PCDH11Y: variants seen among roughly 807,000 people sequenced by gnomAD.
PCDH11Y encodes protocadherin-11 Y-linked.
For missense variants in PCDH11Y, 12 were observed against 224.8 expected (o/e 0.05, Z 6.05); for synonymous variants, 9 against 83.6 (o/e 0.11, Z 4.87).
chrY:5,107,270 A>G, downstream of PCDH11Y, among the ~76,000 whole-genome samples: 1 of 33,839 alleles, frequency 3.0e-5, no homozygotes, highest in African/African-American at 1.2e-4. Context: ...ACTTTATTTT[A>G]AAGCTATGAC....
chrY:5,580,036 T>C, intron 3 of PCDH11Y, among the ~76,000 whole-genome samples: 2 of 31,899 alleles, frequency 6.3e-5, no homozygotes, highest in Non-Finnish European at 1.5e-4. Context: ...CATTCAGTCT[T>C]AAAAGTTTTA....
chrY:5,475,756 A>G, intron 2 of PCDH11Y, among the ~76,000 whole-genome samples: 3 of 31,532 alleles, frequency 9.5e-5, no homozygotes, highest in Non-Finnish European at 1.5e-4. Flanking sequence ...TGCAAACATC[A>G]TAGAGTGTAC....
At chrY:5,197,283 G>A in intron 2 of PCDH11Y, among the ~76,000 whole-genome samples, 2 of 31,954 alleles carry the variant, frequency 6.3e-5, no homozygotes, top group Admixed American at 2.9e-4. Context: ...AAGATCAGAT[G>A]GTTGTAGATA....
chrY:5,484,902 C>T, intron 2 of PCDH11Y, among the ~76,000 whole-genome samples: 1 of 33,160 alleles, frequency 3.0e-5, no homozygotes, highest in Non-Finnish European at 7.4e-5. Flanking sequence ...GTACAAATTT[C>T]CCTCAGTCTC....
chrY:5,074,668 T>G, intron 1 of PCDH11Y, among the ~76,000 whole-genome samples: 1 of 33,335 alleles, frequency 3.0e-5, no homozygotes, highest in Admixed American at 2.8e-4. Context: ...TCTTCTAATT[T>G]CAGGTCAGAT....
intron 4 of PCDH11Y, among the ~76,000 whole-genome samples, chrY:5,664,857 C>T (rs2053543825): frequency 9.2e-5 from 3 of 32,551 alleles, no homozygotes; most frequent in Non-Finnish European, 1.5e-4. Context: ...CCCCTTCAGC[C>T]TATCAAAGTA....
intron 1 of PCDH11Y, among the ~76,000 whole-genome samples, chrY:5,012,675 T>G (rs2052552781): frequency 3.8e-5 from 1 of 26,371 alleles, no homozygotes; most frequent in African/African-American, 1.5e-4. Flanking sequence ...AGGGTTTTTT[T>G]TTTTTTTTTT....
intron 2 of PCDH11Y, among the ~76,000 whole-genome samples, chrY:5,286,028 T>A (rs1602899442): frequency 5.9e-5 from 2 of 33,952 alleles, no homozygotes; most frequent in East Asian, 1.5e-3. Context: ...AGAGTTTTCA[T>A]ATGTTAGGTG....
exon 5 of PCDH11Y, chrY:5,739,527 A>C (rs2053614816): frequency 9.2e-5 from 3 of 32,596 alleles, no homozygotes; most frequent in Admixed American, 5.7e-4. Context: ...ACTTAGACAT[A>C]GATTTTGTAA....
intron 2 of PCDH11Y, among the ~76,000 whole-genome samples, chrY:5,111,196 T>C (rs2052802229): frequency 3.1e-5 from 1 of 32,532 alleles, no homozygotes; most frequent in South Asian, 7.0e-4. Context: ...CTCCGCCTCC[T>C]GGGTTCAAGA....
In PCDH11Y at chrY:5,244,261, G is replaced by A. The variant is rs372558613; in HGVS notation, c.3129+143554G>A. On this transcript the variant is annotated intron_variant, in intron 2 of 4. Transcript: ENST00000400457. ...CATTCAAGAATCACTGGGACACAGC[G>A]AAGGCAGTGTTTAGGGGGAAACTTA... Among the ~76,000 whole-genome samples the A allele has an allele frequency of 7.1e-3, 239 of 33,790 alleles. No homozygotes were observed. In the South Asian group the frequency reaches 0.15, roughly 22 times the overall value. The allele number at this position is 33,790 out of a possible 37,273, so 90.7% of individuals were successfully genotyped here.
At chrY:5,723,370 A>AT (rs2053596444) in intron 4 of PCDH11Y, among the ~76,000 whole-genome samples, 2 of 31,965 alleles carry the variant, frequency 6.3e-5, no homozygotes, top group Non-Finnish European at 1.5e-4. Context: ...AAATATAGGT[A>AT]TATAGGAGTA....
chrY:5,317,118 A>C, intron 2 of PCDH11Y, among the ~76,000 whole-genome samples: 4 of 32,765 alleles, frequency 1.2e-4, no homozygotes, highest in Admixed American at 1.1e-3. Flanking sequence ...TGAACATTAG[A>C]TCGGTTGGAA....
intron 4 of PCDH11Y, among the ~76,000 whole-genome samples, chrY:5,677,819 G>T: frequency 6.1e-5 from 2 of 32,540 alleles, no homozygotes; most frequent in Non-Finnish European, 1.5e-4. Context: ...TCTTTGTAAA[G>T]TATCATAAAT....
chrY:5,091,800 C>T, intron 1 of PCDH11Y, among the ~76,000 whole-genome samples: 1 of 32,084 alleles, frequency 3.1e-5, no homozygotes. Context: ...GGGGGAAGTA[C>T]ACATTAAAAC....
At chrY:5,431,564 CTCTT>C (rs2053269044) in intron 2 of PCDH11Y, among the ~76,000 whole-genome samples, 2 of 32,872 alleles carry the variant, frequency 6.1e-5, no homozygotes, top group South Asian at 1.3e-3. Context: ...TAATCTCTTT[CTCTT>C]TCTTTCTCTC....
At chrY:5,149,605 CACACAT>C (rs2052862203) in intron 2 of PCDH11Y, among the ~76,000 whole-genome samples, 1 of 29,813 alleles carries the variant, frequency 3.4e-5, no homozygotes, top group African/African-American at 1.3e-4. Flanking sequence ...CACACACACA[CACACAT>C]ATATATATAG....
chrY:5,580,225 T>C, intron 3 of PCDH11Y, among the ~76,000 whole-genome samples: 3 of 32,251 alleles, frequency 9.3e-5, no homozygotes, highest in Non-Finnish European at 2.3e-4. Context: ...CTTTTATTTG[T>C]ACTTCCATAC....
chrY:5,562,393 A>T, intron 3 of PCDH11Y, among the ~76,000 whole-genome samples: 10 of 34,040 alleles, frequency 2.9e-4, no homozygotes, highest in South Asian at 1.3e-3. Context: ...TCAGGGCAAC[A>T]TAGCTATTTG....
Sources: allele counts gnomAD v4.1 joint callset (sites outside exome capture counted in the v4.1 genomes callset), GRCh38; gene constraint gnomAD v4.1.1; transcripts MANE v1.5; gene names NCBI Gene and HGNC (gene_info 2026-07-23, HGNC 2026-07-21).